The following TRDMT1 variants were observed in gnomAD, a reference collection of about 807,000 sequenced individuals.
TRDMT1 encodes tRNA aspartic acid methyltransferase 1, also known as tRNA (cytosine(38)-C(5))-methyltransferase.
TRDMT1 carries 49 observed loss-of-function variants against 51.2 expected under a neutral mutation model. The observed-to-expected ratio is 0.96, with a 90% CI of 0.76 to 1.21. The LOEUF is 1.21. Among genes scored for constraint, TRDMT1 ranks in the 50% most tolerant of loss-of-function variants. The pLI, the probability that TRDMT1 is intolerant of heterozygous loss-of-function variation, is 0.00. For synonymous variants in TRDMT1, 187 were observed against 164.6 expected, an observed-to-expected ratio of 1.14 and a Z score of -1.04; for missense variants, 534 against 462.3, an observed-to-expected ratio of 1.16 and a Z score of -1.42.
intron 3 of TRDMT1, among the ~76,000 whole-genome samples, chr10:17,166,819 C>T (rs573788116): frequency 3.3e-5 from 5 of 152,316 alleles, no homozygotes; most frequent in African/African-American, 4.8e-5. Context: ...GCAGTATTAC[C>T]TGAGGCTTCA....
chr10:17,162,733 C>T (rs896468835), intron 3 of TRDMT1, among the ~76,000 whole-genome samples: 3 of 152,110 alleles, frequency 2.0e-5, no homozygotes, highest in Non-Finnish European at 4.4e-5. Context: ...ATCCCACCTA[C>T]TCAGGAGGCA....
intron 10 of TRDMT1, chr10:17,150,793 A>G: frequency 1.0e-6 from 1 of 984,780 alleles, no homozygotes; most frequent in Non-Finnish European, 1.2e-6. Flanking sequence ...ACATGATCAT[A>G]AAGTTTCTAT....
At chr10:17,160,891 A>C (rs2131428837) in intron 5 of TRDMT1, among the ~76,000 whole-genome samples, 1 of 152,382 alleles carries the variant, frequency 6.6e-6, no homozygotes, top group African/African-American at 2.4e-5. Context: ...TACATAATTC[A>C]TTACTACAAA....
rs755088502 is a variant in TRDMT1 at position 17,157,561 on chromosome 10, A to T, written c.767T>A (p.Phe256Tyr). ...SDLSVKMLKD[F>Y]LEDDTDVNQY... The stretch of plus-strand genomic sequence containing the variant: ...GTTCACGTCAGTGTCATCTTCAAGA[A>T]AATCTTTTAGCATTTTCACAGAGAG... Residue 256 changes from phenylalanine to tyrosine, a missense_variant, in exon 8 of 11, where the codon TTT becomes TAT. Coordinates refer to ENST00000377799, the MANE Select transcript of TRDMT1 (RefSeq NM_004412.7). 1 of 1,614,098 alleles carries T rather than the reference A, an allele frequency of 6.2e-7. No individual in the cohort carries two copies. Among genetic ancestry groups the T allele is most frequent in the Non-Finnish European group, 8.5e-7 (1 of 1,179,976 alleles).
intron 1 of TRDMT1, among the ~76,000 whole-genome samples, chr10:17,189,307 T>C (rs1844374039): frequency 2.0e-5 from 3 of 152,158 alleles, no homozygotes; most frequent in Admixed American, 2.0e-4. Context: ...ATGAAGGAAA[T>C]GCAAAAGATG....
chr10:17,161,585 C>T (rs996336041), intron 4 of TRDMT1, 37 bp from the exon 5 acceptor site: 3 of 1,063,058 alleles, frequency 2.8e-6, no homozygotes, highest in Admixed American at 3.4e-5. Context: ...CTAAATATCT[C>T]ATTACTAAGA....
intron 1 of TRDMT1, among the ~76,000 whole-genome samples, chr10:17,179,523 G>C (rs1162214861): frequency 1.3e-5 from 2 of 151,486 alleles, no homozygotes; most frequent in Non-Finnish European, 2.9e-5. Flanking sequence ...AGATTAAATA[G>C]ATAAAATAAT....
intron 6 of TRDMT1, among the ~76,000 whole-genome samples, chr10:17,159,970 T>G (rs1840081778): frequency 6.6e-6 from 1 of 152,182 alleles, no homozygotes; most frequent in South Asian, 2.1e-4. Context: ...TGGATTATTT[T>G]GAAACATTAA....
intron 1 of TRDMT1, among the ~76,000 whole-genome samples, chr10:17,185,030 A>G (rs1404801145): frequency 6.6e-6 from 1 of 152,164 alleles, no homozygotes; most frequent in African/African-American, 2.4e-5. Flanking sequence ...TTGTGTCTTT[A>G]AGCCTCAGTA....
chr10:17,166,748 A>G (rs1841271598), intron 3 of TRDMT1, among the ~76,000 whole-genome samples: 1 of 152,218 alleles, frequency 6.6e-6, no homozygotes. Flanking sequence ...TCCTGCCATC[A>G]GCAGCTGGAG....
chr10:17,146,141 A>G lies in TRDMT1; in HGVS notation c.*2899T>C. 1 of 985,444 alleles carries G rather than the reference A, an allele frequency of 1.0e-6. No homozygotes were observed. The highest frequency in any genetic ancestry group is 4.7e-5 in the South Asian group (1 of 21,290). 61.0% of individuals were successfully genotyped at this position (985,444 alleles called of 1,614,324 possible). ...ACTAAATAACTTTACCTCTTTGAAA[A>G]GTTGGATAATTTCAAGCAACAGTTT... On this transcript the variant is annotated 3_prime_UTR_variant, in exon 11 of 11. Transcript: ENST00000377799.
rs1296693685 is a variant in TRDMT1 at position 17,174,554 on chromosome 10, A to G, written c.171T>C (p.Ile57=). Residue 57 remains isoleucine, a synonymous_variant, in exon 2 of 11, where the codon ATT becomes ATC. Coordinates refer to ENST00000377799, the MANE Select transcript of TRDMT1 (RefSeq NM_004412.7). ...FPHTQLLAKT[I]EGITLEEFDR... is the part of the protein sequence containing the mutation. ...TAAAACAATGACAATTACTCACTTCAATCGTCTTGGCAAGTAACTGTGTGT... is the reference window on the plus strand; with the variant it reads ...TAAAACAATGACAATTACTCACTTCGATCGTCTTGGCAAGTAACTGTGTGT... The G allele has an allele frequency of 3.7e-6, 6 of 1,602,360 alleles. No individual in the cohort carries two copies. The East Asian group carries it at 1.1e-4, about 30-fold the overall frequency.
chr10:17,169,262 T>C, intron 2 of TRDMT1: 3 of 985,272 alleles, frequency 3.0e-6, no homozygotes, highest in South Asian at 1.8e-5. Flanking sequence ...TATTTTATAA[T>C]TGATAACGTT....
At chr10:17,181,295 C>T (rs1339806616) in intron 1 of TRDMT1, among the ~76,000 whole-genome samples, 7 of 152,130 alleles carry the variant, frequency 4.6e-5, no homozygotes, top group Non-Finnish European at 7.4e-5. Context: ...TTTGCTGTGA[C>T]GGACCATGAA....
intron 10 of TRDMT1, chr10:17,150,691 G>C (rs980962200): frequency 1.0e-6 from 1 of 984,618 alleles, no homozygotes; most frequent in Non-Finnish European, 1.2e-6. Flanking sequence ...CATGAGGACA[G>C]GAAGGTAGAA....
chr10:17,176,510 G>A (rs1842637029), intron 1 of TRDMT1, among the ~76,000 whole-genome samples: 1 of 152,060 alleles, frequency 6.6e-6, no homozygotes, highest in African/African-American at 2.4e-5. Flanking sequence ...TCTTTCTCAG[G>A]AAAGAACAGA....
chr10:17,144,376 A>G lies in TRDMT1; in HGVS notation c.*4664T>C. On this transcript the variant is annotated 3_prime_UTR_variant, in exon 11 of 11. Transcript: ENST00000377799. Reference sequence around the variant, plus strand: ...TAGGTACAAGCAAAGAAATGAAAAAACCCTAGGCTTATTCAGAAAAGAGTT... The same window carrying G: ...TAGGTACAAGCAAAGAAATGAAAAAGCCCTAGGCTTATTCAGAAAAGAGTT... 1 of 985,354 alleles carries G rather than the reference A, an allele frequency of 1.0e-6. No homozygotes were observed. The highest frequency in any genetic ancestry group is 1.2e-6 in the Non-Finnish European group (1 of 829,902). The allele number at this position is 985,354 out of a possible 1,614,324, so 61.0% of individuals were successfully genotyped here. A position where few individuals can be genotyped will look rare whatever the true frequency, so the allele number is the denominator to read the frequency against.
In TRDMT1 at chr10:17,143,260, C is replaced by T; in HGVS notation, c.*5780G>A. 28 of 985,090 alleles carry T rather than the reference C, an allele frequency of 2.8e-5. No individual in the cohort carries two copies. Among genetic ancestry groups the T allele is most frequent in the Non-Finnish European group, 3.4e-5 (28 of 829,616 alleles). 61.0% of individuals were successfully genotyped at this position (985,090 alleles called of 1,614,324 possible). A position where few individuals can be genotyped will look rare whatever the true frequency, so the allele number is the denominator to read the frequency against. On this transcript the variant is annotated 3_prime_UTR_variant, in exon 11 of 11. Transcript: ENST00000377799. ...TCAACAACTATTTATTGAGTGCTTACTATGTGCCAGTACTGTTTTAAGTCA... is the reference window on the plus strand; with the variant it reads ...TCAACAACTATTTATTGAGTGCTTATTATGTGCCAGTACTGTTTTAAGTCA...
intron 2 of TRDMT1, among the ~76,000 whole-genome samples, 197 bp from the exon 3 acceptor site, chr10:17,169,114 G>C (rs1368714954): frequency 6.6e-6 from 1 of 152,148 alleles, no homozygotes; most frequent in African/African-American, 2.4e-5. Context: ...GAAGCTACAA[G>C]AAATTAAGTG....
Sources: allele counts gnomAD v4.1 joint callset (sites outside exome capture counted in the v4.1 genomes callset), GRCh38; gene constraint gnomAD v4.1.1; transcripts MANE v1.5; gene names NCBI Gene and HGNC (gene_info 2026-07-23, HGNC 2026-07-21).